Variants in RBFOX1 observed in about 807,000 individuals in gnomAD.
RBFOX1 encodes RNA binding fox-1 homolog 1, also known as RNA binding protein fox-1 homolog 1.
In RBFOX1, 8 loss-of-function variants were observed where a neutral mutation model predicts 57.7. That is an observed-to-expected ratio of 0.14 (90% CI 0.08 to 0.25). The LOEUF is 0.25. Ranked by LOEUF, RBFOX1 falls within the 10% of genes least tolerant of loss-of-function variation. RBFOX1 has a pLI of 1.00. For synonymous variants in RBFOX1, 326 were observed against 222.4 expected, an observed-to-expected ratio of 1.47 and a Z score of -4.15; for missense variants, 611 against 548.5, an observed-to-expected ratio of 1.11 and a Z score of -1.14.
intron 3 of RBFOX1, among the ~76,000 whole-genome samples, chr16:5,731,479 AAAG>A (rs1368090744): frequency 4.6e-5 from 7 of 152,238 alleles, no homozygotes; most frequent in Non-Finnish European, 1.0e-4. Context: ...ATTTTACAGA[AAAG>A]AAGACACACC....
At chr16:6,539,942 C>G (rs940443392) in intron 2 of RBFOX1, among the ~76,000 whole-genome samples, 2 of 152,094 alleles carry the variant, frequency 1.3e-5, no homozygotes, top group African/African-American at 4.8e-5. Flanking sequence ...TGGTTTTCCC[C>G]ACAGATAGCC....
intron 3 of RBFOX1, among the ~76,000 whole-genome samples, chr16:6,771,881 C>G (rs901667135): frequency 1.3e-5 from 2 of 152,092 alleles, no homozygotes; most frequent in Non-Finnish European, 2.9e-5. Context: ...TTTCCCTTCT[C>G]CCCATTAGAC....
intron 1 of RBFOX1, among the ~76,000 whole-genome samples, chr16:5,391,967 T>G (rs988085456): frequency 2.2e-4 from 33 of 151,654 alleles, no homozygotes; most frequent in Non-Finnish European, 7.4e-5. Context: ...AAGGAATGAT[T>G]TAATGGCATT....
intron 2 of RBFOX1, among the ~76,000 whole-genome samples, chr16:6,371,325 C>A (rs897036910): frequency 2.0e-5 from 3 of 152,162 alleles, no homozygotes; most frequent in Non-Finnish European, 4.4e-5. Context: ...AACCCCATTG[C>A]ACTTATATGT....
chr16:7,177,857 C>T (rs189106893), intron 4 of RBFOX1, among the ~76,000 whole-genome samples: 229 of 152,312 alleles, frequency 1.5e-3, no homozygotes, highest in Non-Finnish European at 1.6e-3. Flanking sequence ...ACTTTAGTTA[C>T]AAAAGCAGAC....
At chr16:7,251,186 G>T (rs1325822796) in intron 4 of RBFOX1, among the ~76,000 whole-genome samples, 1 of 150,606 alleles carries the variant, frequency 6.6e-6, no homozygotes, top group African/African-American at 2.4e-5. Flanking sequence ...TCCCACCCCA[G>T]CCCCTGGTAA....
chr16:7,505,619 C>G (rs1021917170), intron 4 of RBFOX1, among the ~76,000 whole-genome samples: 5 of 152,140 alleles, frequency 3.3e-5, no homozygotes, highest in African/African-American at 1.2e-4. Context: ...TCTGTAACTC[C>G]AAATGGAAAA....
chr16:7,392,081 T>G (rs563578942), intron 4 of RBFOX1, among the ~76,000 whole-genome samples: 37 of 152,338 alleles, frequency 2.4e-4, no homozygotes, highest in South Asian at 4.1e-4. Context: ...CCAGAATTAT[T>G]TTCAGTGTTT....
At chr16:7,436,865 C>T (rs564622760) in intron 4 of RBFOX1, among the ~76,000 whole-genome samples, 1 of 152,224 alleles carries the variant, frequency 6.6e-6, no homozygotes, top group East Asian at 1.9e-4. Flanking sequence ...AGTTTGAGAC[C>T]AGCCTGGCAA....
intron 3 of RBFOX1, among the ~76,000 whole-genome samples, chr16:6,960,521 G>A (rs1568094938): frequency 6.6e-6 from 1 of 151,966 alleles, no homozygotes; most frequent in African/African-American, 2.4e-5. Flanking sequence ...GTTTGGTCTG[G>A]GAACAACTCT....
chr16:6,580,832 A>C (rs1320810288), intron 2 of RBFOX1, among the ~76,000 whole-genome samples: 1 of 152,036 alleles, frequency 6.6e-6, no homozygotes, highest in Non-Finnish European at 1.5e-5. Flanking sequence ...GACCCTCAAA[A>C]CATGTCAAGT....
At chr16:6,630,949 C>A (rs1043143942) in intron 2 of RBFOX1, among the ~76,000 whole-genome samples, 2 of 151,974 alleles carry the variant, frequency 1.3e-5, no homozygotes, top group African/African-American at 2.4e-5. Flanking sequence ...TTTTAAAGTA[C>A]CTTATTGAAT....
intron 4 of RBFOX1, among the ~76,000 whole-genome samples, chr16:7,211,266 C>T (rs140838360): frequency 4.6e-5 from 7 of 151,486 alleles, no homozygotes; most frequent in Admixed American, 2.6e-4. Flanking sequence ...GTGGTGGGCC[C>T]CTGTAGTCCC....
intron 3 of RBFOX1, among the ~76,000 whole-genome samples, chr16:5,758,279 T>G (rs2053470076): frequency 1.3e-5 from 2 of 152,224 alleles, no homozygotes; most frequent in Admixed American, 1.3e-4. Context: ...TATTGTGGTA[T>G]TTATCCTTGA....
intron 4 of RBFOX1, among the ~76,000 whole-genome samples, chr16:5,987,172 T>G (rs977601408): frequency 6.6e-6 from 1 of 152,216 alleles, no homozygotes; most frequent in Admixed American, 6.5e-5. Context: ...TGCATCTACT[T>G]TTTATTGAAT....
At chr16:7,563,354 G>C (rs1169221306) in intron 5 of RBFOX1, among the ~76,000 whole-genome samples, 2 of 152,202 alleles carry the variant, frequency 1.3e-5, no homozygotes, top group Non-Finnish European at 2.9e-5. Context: ...TAAGTAACCT[G>C]CTGCAGTTCA....
chr16:5,547,748 A>G (rs986176977), intron 2 of RBFOX1, among the ~76,000 whole-genome samples: 1 of 152,220 alleles, frequency 6.6e-6, no homozygotes, highest in Non-Finnish European at 1.5e-5. Context: ...CTGTGCAGCA[A>G]TATGGATCCA....
At chr16:7,388,251 G>A (rs543856458) in intron 4 of RBFOX1, among the ~76,000 whole-genome samples, 7 of 152,088 alleles carry the variant, frequency 4.6e-5, no homozygotes, top group African/African-American at 1.7e-4. Context: ...TGCAGCACTC[G>A]GTATCCATGA....
chr16:7,376,126 A>G (rs2097681890), intron 4 of RBFOX1, among the ~76,000 whole-genome samples: 1 of 152,228 alleles, frequency 6.6e-6, no homozygotes, highest in Non-Finnish European at 1.5e-5. Flanking sequence ...AAGAAATAAT[A>G]CAAATATTTA....
Sources: gnomAD v4.1 joint callset for allele counts (sites outside exome capture counted in the v4.1 genomes callset) on GRCh38, gnomAD v4.1.1 for gene constraint, MANE v1.5 for transcripts, NCBI Gene and HGNC (gene_info 2026-07-23, HGNC 2026-07-21) for gene names.